Variants in KAT6A observed in about 807,000 individuals in gnomAD.
The protein encoded by KAT6A is histone acetyltransferase KAT6A.
A neutral mutation model predicts 198.4 loss-of-function variants in KAT6A; 9 were observed. That is an observed-to-expected ratio of 0.05 (90% CI 0.03 to 0.08). The LOEUF is 0.08. KAT6A is among the 10% of genes least tolerant of loss of function. The pLI is 1.00. For missense variants in KAT6A, 2,077 were observed against 2,509.9 expected (o/e 0.83, Z 3.69); for synonymous variants, 890 against 883.0 (o/e 1.01, Z -0.14).
chr8:41,976,874 T>G (rs961431724), intron 7 of KAT6A, 134 bp downstream of exon 7: 2 of 756,428 alleles, frequency 2.6e-6, no homozygotes, highest in Non-Finnish European at 2.0e-6. Flanking sequence ...ATCTACATGT[T>G]TTTTCAATGT....
chr8:42,039,971 T>C (rs1827568689), intron 2 of KAT6A, among the ~76,000 whole-genome samples: 1 of 151,662 alleles, frequency 6.6e-6, no homozygotes, highest in Non-Finnish European at 1.5e-5. Context: ...ATGGTCTCGA[T>C]CTCCTGACCT....
intron 8 of KAT6A, among the ~76,000 whole-genome samples, chr8:41,958,986 C>T (rs2150873655): frequency 6.6e-6 from 1 of 152,016 alleles, no homozygotes; most frequent in East Asian, 1.9e-4. Flanking sequence ...GGTGAAACCC[C>T]ATCTCTACTA....
chr8:42,050,952 C>T (rs1802590406), intron 1 of KAT6A, among the ~76,000 whole-genome samples: 1 of 152,156 alleles, frequency 6.6e-6, no homozygotes, highest in Non-Finnish European at 1.5e-5. Flanking sequence ...CCTTCCCGTC[C>T]CCATTCCCCA....
intron 2 of KAT6A, among the ~76,000 whole-genome samples, chr8:42,038,978 G>A (rs761292254): frequency 2.7e-4 from 41 of 152,150 alleles, no homozygotes; most frequent in Non-Finnish European, 5.1e-4. Context: ...TAATGAAGTT[G>A]AAAATAATTC....
chr8:41,957,055 C>A lies in KAT6A; in HGVS notation c.1483-1644G>T, dbSNP rs745400375. 6.7e-6 allele frequency: 4 copies of A among 592,614 alleles called. No individual in the cohort carries two copies. In the East Asian group the frequency reaches 1.4e-4, roughly 21 times the overall value. The allele number at this position is 592,614 out of a possible 1,614,324, so 36.7% of individuals were successfully genotyped here. ...AAAAGCTGAAGTCATGCACCTGCTG[C>A]GGCACTGTCTGTTGTTTGAGGGTCT... On this transcript the variant is annotated intron_variant, in intron 8 of 16. Transcript: ENST00000265713.
At chr8:41,964,149 G>A (rs116492013) in intron 8 of KAT6A, among the ~76,000 whole-genome samples, 2,353 of 152,186 alleles carry the variant, frequency 0.015, 56 homozygotes, top group African/African-American at 0.053. Flanking sequence ...CATGGAGTCA[G>A]AATACCAGGG....
chr8:42,010,566 G>C (rs1013882359), intron 2 of KAT6A, among the ~76,000 whole-genome samples: 2 of 152,126 alleles, frequency 1.3e-5, no homozygotes, highest in Non-Finnish European at 2.9e-5. Flanking sequence ...GTCTCTTCAC[G>C]ATTCCAAACC....
rs1825509136 is a variant in KAT6A, at chr8:42,001,875, C to T, written c.601-14312G>A. ...GAGAGCATCTTAGAGTTCTAGGTCT[C>T]CTACATGTATGCAAAGATACTTAGT... On this transcript the variant is annotated intron_variant, in intron 2 of 16. Transcript: ENST00000265713. Among the ~76,000 whole-genome samples the T allele has an allele frequency of 2.0e-5, 3 of 152,300 alleles. No individual in the cohort carries two copies. The South Asian group carries it at 6.2e-4, about 32-fold the overall frequency.
intron 8 of KAT6A, among the ~76,000 whole-genome samples, chr8:41,959,615 T>C (rs1363102477): frequency 6.6e-6 from 1 of 152,218 alleles, no homozygotes; most frequent in African/African-American, 2.4e-5. Context: ...GATGAATGGA[T>C]AAACCAAATG....
At chr8:42,019,918 T>G (rs1312739272) in intron 2 of KAT6A, among the ~76,000 whole-genome samples, 1 of 152,120 alleles carries the variant, frequency 6.6e-6, no homozygotes, top group Non-Finnish European at 1.5e-5. Flanking sequence ...CCTCCAATGA[T>G]ATACAAGACA....
chr8:42,040,408 T>A (rs1045847966), intron 2 of KAT6A, among the ~76,000 whole-genome samples: 4 of 152,160 alleles, frequency 2.6e-5, no homozygotes. Context: ...AAAGTACTTA[T>A]TCGCTAGAAA....
chr8:41,953,765 G>A (rs1273692336), intron 9 of KAT6A, among the ~76,000 whole-genome samples: 3 of 152,106 alleles, frequency 2.0e-5, no homozygotes, highest in Admixed American at 6.5e-5. Context: ...TGTCCTTGGC[G>A]TATTTCTTCT....
Position 41,987,505 on chromosome 8 carries a change from C to T in KAT6A, c.659G>A (p.Arg220Gln), listed in dbSNP as rs1171242735. The T allele has an allele frequency of 6.2e-7, 1 of 1,613,552 alleles. No individual in the cohort carries two copies. The highest frequency in any genetic ancestry group is 1.3e-5 in the African/African-American group (1 of 74,896). ...SFCLGTKEQN[R>Q]EKKPEELISC... is the part of the protein sequence containing the mutation. ...GATGAGTTCCTCTGGCTTCTTTTCT[C>T]GGTTTTGTTCTTTTGTACCAAGACA... Residue 220 changes from arginine (R) to glutamine (Q), a missense_variant, in exon 3 of 17, where the codon CGA (arginine) becomes CAA (glutamine). Around this residue, in one of 13 missense-constraint regions of KAT6A, gnomAD observed 89 missense variants for 154.4 expected, o/e 0.58. Coordinates refer to ENST00000265713, the MANE Select transcript of KAT6A (RefSeq NM_006766.5).
At chr8:42,010,026 C>T (rs1239106154) in intron 2 of KAT6A, among the ~76,000 whole-genome samples, 1 of 151,936 alleles carries the variant, frequency 6.6e-6, no homozygotes, top group African/African-American at 2.4e-5. Flanking sequence ...AGGATAGTCG[C>T]AGTAGCTCAC....
In KAT6A at chr8:41,957,078, T is replaced by C. The variant is rs561339402; in HGVS notation, c.1483-1667A>G. The stretch of plus-strand genomic sequence containing the variant: ...TGCGGCACTGTCTGTTGTTTGAGGG[T>C]CTTCCCATCAGCTGCCCGCTGCTCT... On this transcript the variant is annotated intron_variant, in intron 8 of 16. Coordinates refer to ENST00000265713, the MANE Select transcript of KAT6A (RefSeq NM_006766.5). The C allele has an allele frequency of 4.2e-5, 25 of 601,700 alleles. No homozygotes were observed. In the African/African-American group the frequency reaches 4.3e-4, roughly 10 times the overall value. The allele number at this position is 601,700 out of a possible 1,614,324, so 37.3% of individuals were successfully genotyped here.
At chr8:42,030,185 C>G (rs535966559) in intron 2 of KAT6A, among the ~76,000 whole-genome samples, 25 of 152,256 alleles carry the variant, frequency 1.6e-4, no homozygotes, top group African/African-American at 6.0e-4. Flanking sequence ...CCAGGCAGCT[C>G]CCTATTTTCC....
chr8:41,937,344 C>A lies in KAT6A; in HGVS notation c.3264G>T (p.Leu1088Phe), dbSNP rs978156504. The change falls in exon 16 of 17, where the codon TTG (leucine) becomes TTT (phenylalanine). Residue 1088 changes from leucine (L) to phenylalanine (F), a missense_variant. By Grantham distance (22) the Leu-to-Phe change is conservative (BLOSUM62 0). Coordinates refer to ENST00000265713, the MANE Select transcript of KAT6A (RefSeq NM_006766.5). ...GACACCTGAGTACATCCTGCGAAGA[C>A]AAACGACGGAAGTATTCTCTAGGGA... ...ELFPREYFRR[L>F]SSQDVLRCQS... is the part of the protein sequence containing the mutation. The A allele has an allele frequency of 1.9e-6, 3 of 1,613,968 alleles. No individual in the cohort carries two copies. Among genetic ancestry groups the A allele is most frequent in the Admixed American group, 3.3e-5 (2 of 60,006 alleles).
At chr8:41,987,966 G>A (rs1191960513) in intron 2 of KAT6A, among the ~76,000 whole-genome samples, 1 of 152,202 alleles carries the variant, frequency 6.6e-6, no homozygotes, top group African/African-American at 2.4e-5. Context: ...CAGACACAGT[G>A]ACTCCTCGGC....
At chr8:41,993,812 T>C (rs1292243221) in intron 2 of KAT6A, among the ~76,000 whole-genome samples, 2 of 152,238 alleles carry the variant, frequency 1.3e-5, no homozygotes, top group South Asian at 2.1e-4. Flanking sequence ...TGCCAAACTA[T>C]ATTGTTAAAA....
Sources: gnomAD v4.1 joint callset for allele counts (sites outside exome capture counted in the v4.1 genomes callset) on GRCh38, gnomAD v4.1.1 for gene constraint, gnomAD v4.1.1 regional missense constraint, MANE v1.5 for transcripts, NCBI Gene and HGNC (gene_info 2026-07-23, HGNC 2026-07-21) for gene names.